The following CA10 variants were observed in gnomAD, a reference collection of about 807,000 sequenced individuals.
CA10 encodes the protein carbonic anhydrase-related protein 10.
In CA10, 14 loss-of-function variants were observed where a neutral mutation model predicts 44.2. The ratio of observed to expected loss-of-function variants is 0.32; its 90% confidence interval spans 0.21 to 0.50. The LOEUF is 0.50. Among genes scored for constraint, CA10 ranks in the 20% least tolerant of loss-of-function variants. The pLI, the probability that CA10 is intolerant of heterozygous loss-of-function variation, is 0.99. For missense variants in CA10, 350 were observed against 409.7 expected (o/e 0.85, Z 1.26); for synonymous variants, 159 against 141.6 (o/e 1.12, Z -0.87).
intron 6 of CA10, among the ~76,000 whole-genome samples, chr17:51,641,496 G>A (rs11656405): frequency 0.43 from 65,164 of 152,040 alleles, 14,568 homozygotes; most frequent in Non-Finnish European, 0.48. Flanking sequence ...TGTGTTGGCT[G>A]TATCTTTATA....
chr17:51,693,849 G>C (rs983171131), intron 4 of CA10, among the ~76,000 whole-genome samples: 3 of 151,996 alleles, frequency 2.0e-5, no homozygotes, highest in African/African-American at 7.3e-5. Context: ...ATTTTCTTTT[G>C]GATATATACC....
At chr17:52,107,197 C>G (rs1280183714) in intron 1 of CA10, among the ~76,000 whole-genome samples, 1 of 152,098 alleles carries the variant, frequency 6.6e-6, no homozygotes, top group Non-Finnish European at 1.5e-5. Context: ...GGACTGCACC[C>G]CATGTTAGAA....
intron 4 of CA10, among the ~76,000 whole-genome samples, chr17:51,701,096 T>A (rs1269654432): frequency 7.6e-6 from 1 of 130,726 alleles, no homozygotes; most frequent in African/African-American, 4.6e-5. Context: ...AAAAAAACAA[T>A]TTTTTTTTCA....
intron 2 of CA10, among the ~76,000 whole-genome samples, chr17:52,035,433 A>G (rs558197906): frequency 6.6e-6 from 1 of 152,266 alleles, no homozygotes; most frequent in Admixed American, 6.5e-5. Context: ...ACCATTCTTC[A>G]ATTTGTGTGA....
chr17:51,947,673 A>G (rs748330520), intron 2 of CA10, among the ~76,000 whole-genome samples: 1 of 152,090 alleles, frequency 6.6e-6, no homozygotes, highest in Non-Finnish European at 1.5e-5. Flanking sequence ...TCTGACTAAA[A>G]CTTTCTGCTC....
chr17:51,668,175 G>A (rs960424722), intron 4 of CA10, among the ~76,000 whole-genome samples: 3 of 152,210 alleles, frequency 2.0e-5, no homozygotes. Flanking sequence ...GGTAGCCGGA[G>A]TCTGAGGCAT....
chr17:51,718,714 C>T (rs756431905), intron 4 of CA10, among the ~76,000 whole-genome samples: 2 of 152,130 alleles, frequency 1.3e-5, no homozygotes, highest in Non-Finnish European at 2.9e-5. Context: ...AGCCCTCCAT[C>T]TGTGGGGTCT....
intron 4 of CA10, among the ~76,000 whole-genome samples, chr17:51,709,470 AT>A (rs1915864249): frequency 6.6e-6 from 1 of 152,204 alleles, no homozygotes; most frequent in Non-Finnish European, 1.5e-5. Context: ...CCACATGAAG[AT>A]TTAAAGTGAT....
At chr17:51,689,474 A>G (rs1010696931) in intron 4 of CA10, among the ~76,000 whole-genome samples, 5 of 152,216 alleles carry the variant, frequency 3.3e-5, no homozygotes, top group Non-Finnish European at 7.3e-5. Flanking sequence ...TTTGTCATAA[A>G]TTGGCAAAGG....
intron 3 of CA10, among the ~76,000 whole-genome samples, chr17:51,767,797 A>C (rs1367946950): frequency 6.6e-6 from 1 of 150,526 alleles, no homozygotes; most frequent in Non-Finnish European, 1.5e-5. Flanking sequence ...CAGTCATTAG[A>C]TTCTCATAAG....
intron 2 of CA10, among the ~76,000 whole-genome samples, chr17:51,931,685 T>C (rs1307715835): frequency 2.0e-5 from 3 of 152,144 alleles, no homozygotes; most frequent in African/African-American, 7.2e-5. Flanking sequence ...ACTTCATCTT[T>C]GTTTAGTTCA....
chr17:51,638,955 G>C (rs1394785294), intron 6 of CA10, among the ~76,000 whole-genome samples: 1 of 152,108 alleles, frequency 6.6e-6, no homozygotes, highest in African/African-American at 2.4e-5. Flanking sequence ...GGTGCAGGGC[G>C]ATGTGGAGAT....
At chr17:52,099,563 G>A (rs1339724445) in intron 1 of CA10, among the ~76,000 whole-genome samples, 1 of 152,186 alleles carries the variant, frequency 6.6e-6, no homozygotes, top group Non-Finnish European at 1.5e-5. Flanking sequence ...GAACACAAGA[G>A]TTTCATTGGA....
chr17:51,831,906 G>C (rs1908294983), intron 3 of CA10, among the ~76,000 whole-genome samples: 1 of 152,270 alleles, frequency 6.6e-6, no homozygotes, highest in African/African-American at 2.4e-5. Flanking sequence ...AAAGAAGGGA[G>C]GGAAGGGGTT....
At chr17:51,804,150 A>AT (rs1478921905) in intron 3 of CA10, among the ~76,000 whole-genome samples, 2 of 152,212 alleles carry the variant, frequency 1.3e-5, no homozygotes, top group Non-Finnish European at 2.9e-5. Context: ...ATCTATGATG[A>AT]TTTTTAACAA....
chr17:51,833,074 G>T (rs1908342263), intron 3 of CA10, among the ~76,000 whole-genome samples: 1 of 152,146 alleles, frequency 6.6e-6, no homozygotes, highest in Non-Finnish European at 1.5e-5. Flanking sequence ...GCTGAGAGGG[G>T]TGCTGAATTT....
At chr17:51,756,473 T>TG (rs568347625) in intron 3 of CA10, among the ~76,000 whole-genome samples, 1 of 13,812 alleles carries the variant, frequency 7.2e-5, no homozygotes, top group Non-Finnish European at 1.7e-4. Flanking sequence ...GAGGTAGTTG[T>TG]TTTTTTTTTT....
intron 3 of CA10, among the ~76,000 whole-genome samples, chr17:51,853,478 A>T (rs1978892771): frequency 6.6e-6 from 1 of 152,216 alleles, no homozygotes; most frequent in South Asian, 2.1e-4. Context: ...TGGCCTGCCC[A>T]TATTGGGAAT....
chr17:51,826,021 A>G (rs1462325456), intron 3 of CA10, among the ~76,000 whole-genome samples: 1 of 152,164 alleles, frequency 6.6e-6, no homozygotes, highest in East Asian at 1.9e-4. Context: ...TCATCTTTGC[A>G]TTGTGCAAAA....
Sources: allele counts gnomAD v4.1 joint callset (sites outside exome capture counted in the v4.1 genomes callset), GRCh38; gene constraint gnomAD v4.1.1; transcripts MANE v1.5; gene names NCBI Gene and HGNC (gene_info 2026-07-23, HGNC 2026-07-21).